Variants in TMEM181 observed in about 807,000 individuals in gnomAD.
TMEM181 encodes G protein-coupled receptor 178.
Under a neutral mutation model 71.9 loss-of-function variants are expected in TMEM181, and 39 were observed. The ratio of observed to expected loss-of-function variants is 0.54; its 90% confidence interval spans 0.42 to 0.71. TMEM181 has a LOEUF of 0.71. Among genes scored for constraint, TMEM181 ranks in the 30% least tolerant of loss-of-function variants. TMEM181 has a pLI of 0.00. For synonymous variants in TMEM181, 245 were observed against 228.8 expected (o/e 1.07, Z -0.64); for missense variants, 595 against 583.0 (o/e 1.02, Z -0.21).
intron 5 of TMEM181, 38 bp from the exon 6 acceptor site, chr6:158,589,634 C>A: frequency 6.5e-7 from 1 of 1,535,392 alleles, no homozygotes; most frequent in Non-Finnish European, 9.0e-7. Context: ...GCGTGAGTCT[C>A]GCTTTCTTTA....
chr6:158,599,952 TC>T (rs1253441448), intron 6 of TMEM181, among the ~76,000 whole-genome samples: 2 of 152,098 alleles, frequency 1.3e-5, no homozygotes, highest in Admixed American at 6.5e-5. Flanking sequence ...AAATGGCTTT[TC>T]CCGGAACCAG....
chr6:158,610,675 G>A (rs1184955398), intron 10 of TMEM181: 3 of 279,562 alleles, frequency 1.1e-5, no homozygotes, highest in Admixed American at 3.8e-5. Context: ...CTTCCTCTGA[G>A]GCCTCCACAT....
intron 1 of TMEM181, among the ~76,000 whole-genome samples, chr6:158,564,803 G>A (rs548710750): frequency 1.3e-5 from 2 of 152,254 alleles, no homozygotes; most frequent in South Asian, 2.1e-4. Context: ...CGGCATTTTG[G>A]GCCAAAGGAG....
chr6:158,581,285 CTG>C (rs1381503817), intron 3 of TMEM181, among the ~76,000 whole-genome samples: 5 of 152,342 alleles, frequency 3.3e-5, no homozygotes, highest in African/African-American at 1.2e-4. Flanking sequence ...TTCCTTGCCT[CTG>C]TAAGTCCTAT....
chr6:158,610,093 G>A (rs1785207530), intron 10 of TMEM181: 1 of 220,126 alleles, frequency 4.5e-6, no homozygotes, highest in Non-Finnish European at 9.6e-6. Flanking sequence ...CAGCTTGCTG[G>A]CAGAGGATCA....
intron 10 of TMEM181, among the ~76,000 whole-genome samples, chr6:158,622,846 T>G (rs1249344267): frequency 1.3e-5 from 2 of 152,230 alleles, no homozygotes; most frequent in Non-Finnish European, 2.9e-5. Flanking sequence ...GAATCTTGGG[T>G]GGCTCCTGGC....
At chr6:158,605,149 T>TGTGTGTGG in intron 6 of TMEM181, 118 bp from the exon 7 acceptor site, 1 of 580,866 alleles carries the variant, frequency 1.7e-6, no homozygotes, top group Non-Finnish European at 3.1e-6. Context: ...TGTGTGTGTG[T>TGTGTGTGG]GTGTGTGTGT....
At chr6:158,606,449 A>AT (rs1244965214) in intron 7 of TMEM181, among the ~76,000 whole-genome samples, 1 of 152,178 alleles carries the variant, frequency 6.6e-6, no homozygotes, top group East Asian at 1.9e-4. Flanking sequence ...ATGCCCTGAG[A>AT]TTCTCCTGCC....
intron 11 of TMEM181, among the ~76,000 whole-genome samples, chr6:158,624,581 T>G (rs1382847359): frequency 6.6e-6 from 1 of 152,208 alleles, no homozygotes; most frequent in Admixed American, 6.5e-5. Context: ...TGCTGTGACA[T>G]TACAGAATTG....
intron 6 of TMEM181, among the ~76,000 whole-genome samples, chr6:158,598,763 T>C (rs541465978): frequency 2.2e-3 from 335 of 152,136 alleles, no homozygotes; most frequent in African/African-American, 7.7e-3. Context: ...AAGCTCTGCC[T>C]CCCGGGTTCA....
chr6:158,616,163 G>A (rs928511746), intron 10 of TMEM181, among the ~76,000 whole-genome samples: 5 of 152,126 alleles, frequency 3.3e-5, no homozygotes, highest in Non-Finnish European at 7.3e-5. Flanking sequence ...ATTTCGTTGA[G>A]CAGTGGTTTG....
chr6:158,600,504 C>G (rs1784613571), intron 6 of TMEM181, among the ~76,000 whole-genome samples: 1 of 118,798 alleles, frequency 8.4e-6, no homozygotes, highest in Non-Finnish European at 1.6e-5. Context: ...GAATCTTGCT[C>G]TGTCGCCCAG....
At chr6:158,630,595 G>A (rs1015015386) in intron 15 of TMEM181, among the ~76,000 whole-genome samples, 3 of 151,990 alleles carry the variant, frequency 2.0e-5, no homozygotes, top group African/African-American at 4.8e-5. Context: ...TGCAATGTTC[G>A]GTGCCTTAGC....
intron 2 of TMEM181, among the ~76,000 whole-genome samples, chr6:158,580,363 G>A (rs148127714): frequency 3.2e-3 from 491 of 151,696 alleles, no homozygotes; most frequent in African/African-American, 0.011. Flanking sequence ...GGATCTGTAG[G>A]AAAAAAAATG....
At chr6:158,542,951 C>CT (rs1781407140) in intron 1 of TMEM181, among the ~76,000 whole-genome samples, 1 of 142,482 alleles carries the variant, frequency 7.0e-6, no homozygotes, top group African/African-American at 2.6e-5. Flanking sequence ...TCTCAGCTCA[C>CT]TGCAACCTCC....
rs1346165958 is a variant in TMEM181 at position 158,573,403 on chromosome 6, C to T, written c.9-17C>T. ...GCCTTCCCCTGACCGTCCCTCACTG[C>T]TGGCTTCTGCCCCCAGGCTGGCGCC... On this transcript the variant is annotated splice_polypyrimidine_tract_variant and intron_variant, in intron 1 of 16. Transcript: ENST00000684151. 1.9e-6 allele frequency: 3 copies of T among 1,565,388 alleles called. No individual in the cohort carries two copies. The highest frequency in any genetic ancestry group is 8.6e-7 in the Non-Finnish European group (1 of 1,156,420).
intron 1 of TMEM181, among the ~76,000 whole-genome samples, chr6:158,569,420 G>A (rs1782682979): frequency 6.6e-6 from 1 of 152,204 alleles, no homozygotes; most frequent in Non-Finnish European, 1.5e-5. Flanking sequence ...GACAGATTAT[G>A]TTGTTTTCTC....
At chr6:158,605,979 T>TC in intron 7 of TMEM181, among the ~76,000 whole-genome samples, 1 of 152,236 alleles carries the variant, frequency 6.6e-6, no homozygotes, top group Non-Finnish European at 1.5e-5. Context: ...TCTGCCTGCA[T>TC]CAGCTGCTTG....
At chr6:158,615,022 C>A (rs1385880246) in intron 10 of TMEM181, among the ~76,000 whole-genome samples, 1 of 152,150 alleles carries the variant, frequency 6.6e-6, no homozygotes, top group African/African-American at 2.4e-5. Flanking sequence ...ATGGCTAGGT[C>A]AAATGGTATT....
Sources: allele counts gnomAD v4.1 joint callset (sites outside exome capture counted in the v4.1 genomes callset), GRCh38; gene constraint gnomAD v4.1.1; transcripts MANE v1.5; gene names NCBI Gene and HGNC (gene_info 2026-07-23, HGNC 2026-07-21).